Variants in CLIC2 observed in about 807,000 individuals in gnomAD.
CLIC2 encodes the protein chloride intracellular channel protein 2.
In CLIC2, 9 loss-of-function variants were observed where a neutral mutation model predicts 14.8. The ratio of observed to expected loss-of-function variants is 0.61; its 90% CI spans 0.37 to 1.06. The LOEUF is 1.06. Among genes scored for constraint, CLIC2 ranks in the 50% least tolerant of loss-of-function variants. The probability of loss-of-function intolerance (pLI) is 0.01; values close to 1 mark genes in which losing one functional copy is unlikely to be tolerated. For missense variants in CLIC2, 148 were observed against 181.4 expected, an observed-to-expected ratio of 0.82 and a Z score of 1.06; for synonymous variants, 61 against 66.3, an observed-to-expected ratio of 0.92 and a Z score of 0.39.
chrX:155,318,005 T>G (rs1439082761), intron 1 of CLIC2, among the ~76,000 whole-genome samples: 2 of 111,542 alleles, frequency 1.8e-5, no homozygotes, highest in Non-Finnish European at 3.8e-5. Flanking sequence ...AAATCCAGCA[T>G]CTCTTTATGA....
Position 155,327,023 on chromosome X carries a change from C to G in CLIC2, c.57+7348G>C, listed in dbSNP as rs145901604. On this transcript the variant is annotated intron_variant, in intron 1 of 5. Coordinates refer to ENST00000369449, the MANE Select transcript of CLIC2 (RefSeq NM_001289.6). ...CTGACTGCATCAATGTCAATAATGT[C>G]CTGGTTTTCTTATCATACTATAGTT... Among the ~76,000 whole-genome samples, 764 of 111,048 alleles carry G rather than the reference C, an allele frequency of 6.9e-3. 8 individuals carry two copies. The highest frequency in any genetic ancestry group is 0.024 in the African/African-American group (725 of 30,593).
intron 3 of CLIC2, chrX:155,292,765 G>T (rs10283985): frequency 2.4e-6 from 1 of 412,190 alleles, no homozygotes; most frequent in Non-Finnish European, 4.1e-6. Context: ...GCGAGACTCC[G>T]TCTCAAAACA....
chrX:155,294,146 T>C (rs781826000), intron 3 of CLIC2, among the ~76,000 whole-genome samples: 63 of 112,089 alleles, frequency 5.6e-4, no homozygotes, highest in African/African-American at 1.8e-3. Context: ...GGATGGACCA[T>C]ATGTCAGGCC....
chrX:155,300,021 A>G (rs372304435), intron 1 of CLIC2, among the ~76,000 whole-genome samples: 1 of 109,190 alleles, frequency 9.2e-6, no homozygotes, highest in Non-Finnish European at 1.9e-5. Context: ...ATTGTGAATA[A>G]TGCCGCAATA....
intron 1 of CLIC2, 91 bp downstream of exon 1, chrX:155,334,280 A>G: frequency 1.4e-6 from 1 of 714,113 alleles, no homozygotes; most frequent in African/African-American, 2.1e-5. Flanking sequence ...TCCTATCTCT[A>G]GCCCAAATGT....
chrX:155,311,070 C>G (rs782266171), intron 1 of CLIC2, among the ~76,000 whole-genome samples: 11 of 112,078 alleles, frequency 9.8e-5, no homozygotes, highest in Middle Eastern at 4.6e-3. Context: ...CCACAAAAGT[C>G]TCTGACATGC....
intron 1 of CLIC2, among the ~76,000 whole-genome samples, chrX:155,299,926 A>G (rs1416295033): frequency 1.8e-5 from 2 of 110,384 alleles, no homozygotes; most frequent in East Asian, 5.7e-4. Flanking sequence ...CTATGGCTGC[A>G]TAGTATTCCA....
chrX:155,282,384 G>A (rs1390183460), intron 3 of CLIC2, among the ~76,000 whole-genome samples: 2 of 111,665 alleles, frequency 1.8e-5, no homozygotes, highest in African/African-American at 6.5e-5. Flanking sequence ...AGTATGGAGA[G>A]AGATGCCCTT....
intron 3 of CLIC2, among the ~76,000 whole-genome samples, chrX:155,283,762 T>A (rs2074929219): frequency 9.0e-6 from 1 of 111,218 alleles, no homozygotes; most frequent in African/African-American, 3.3e-5. Context: ...TCTGGAAATC[T>A]GATTGATTCT....
chrX:155,305,395 C>T (rs2075050949), intron 1 of CLIC2, among the ~76,000 whole-genome samples: 1 of 112,835 alleles, frequency 8.9e-6, no homozygotes, highest in South Asian at 3.6e-4. Context: ...TGACCCCTTG[C>T]TCTTCCCAAG....
At chrX:155,318,084 C>T (rs1569561371) in intron 1 of CLIC2, among the ~76,000 whole-genome samples, 2 of 111,608 alleles carry the variant, frequency 1.8e-5, no homozygotes, top group African/African-American at 3.3e-5. Context: ...CTATGACGAA[C>T]CCATAGCCAA....
At position 155,297,884 on chromosome X, in the gene CLIC2, A is replaced by AAAAAAAAAAAAAAG. The variant is rs1557318527; in HGVS notation, c.293+900_293+901insCTTTTTTTTTTTTT. Among the ~76,000 whole-genome samples the AAAAAAAAAAAAAAG allele has an allele frequency of 1.3e-3, 61 of 45,221 alleles. 15 individuals are homozygous for AAAAAAAAAAAAAAG. Among genetic ancestry groups the AAAAAAAAAAAAAAG allele is most frequent in the Non-Finnish European group, 1.9e-3 (39 of 20,616 alleles). The allele number at this position is 45,221 out of a possible 115,157, so 39.3% of individuals were successfully genotyped here. On this transcript the variant is annotated intron_variant, in intron 3 of 5. Transcript: ENST00000369449. Reference sequence around the variant, plus strand: ...TCAAAAAAAAAAAAAAAAAAAAAAAAAAGAAGGTGAACCATCAGAGAGACA... The same window carrying AAAAAAAAAAAAAAG: ...TCAAAAAAAAAAAAAAAAAAAAAAAAAAAAAAAAAAAAAGAAGAAGGTGAACCATCAGAGAGACA...
At chrX:155,295,646 G>T (rs1557318261) in intron 3 of CLIC2, among the ~76,000 whole-genome samples, 1 of 111,000 alleles carries the variant, frequency 9.0e-6, no homozygotes, top group Non-Finnish European at 1.9e-5. Flanking sequence ...AAAATTCTTA[G>T]ATTTGATAAG....
intron 1 of CLIC2, among the ~76,000 whole-genome samples, chrX:155,332,154 C>T (rs781818930): frequency 8.9e-6 from 1 of 111,828 alleles, no homozygotes; most frequent in African/African-American, 3.2e-5. Flanking sequence ...TTGCTCAAAT[C>T]ATTCAGAGCT....
chrX:155,304,683 T>A (rs2075040544), intron 1 of CLIC2, among the ~76,000 whole-genome samples: 1 of 102,143 alleles, frequency 9.8e-6, no homozygotes, highest in African/African-American at 3.5e-5. Context: ...CCAGTTTTTC[T>A]GTTCTGTTTT....
chrX:155,293,357 A>C (rs2074981528), intron 3 of CLIC2: 18 of 1,109,466 alleles, frequency 1.6e-5, no homozygotes, highest in Non-Finnish European at 2.1e-5. Flanking sequence ...AAGGAGTCCA[A>C]CAAGAAAGGA....
At chrX:155,280,878 A>AC (rs1557316356) in intron 3 of CLIC2, among the ~76,000 whole-genome samples, 1 of 108,200 alleles carries the variant, frequency 9.2e-6, no homozygotes, top group African/African-American at 3.4e-5. Flanking sequence ...AAAAATCAGC[A>AC]CCTCATGGAG....
At chrX:155,304,598 A>G (rs782447159) in intron 1 of CLIC2, among the ~76,000 whole-genome samples, 4 of 98,088 alleles carry the variant, frequency 4.1e-5, no homozygotes, top group Admixed American at 1.1e-4. Flanking sequence ...GTCATTCTCC[A>G]TCCAGCTTTG....
At chrX:155,290,305 G>T in intron 3 of CLIC2, 1 of 277,056 alleles carries the variant, frequency 3.6e-6, no homozygotes. Flanking sequence ...CTCCTGTATT[G>T]AAAGCTGGAC....
Sources: gnomAD v4.1 joint callset for allele counts (sites outside exome capture counted in the v4.1 genomes callset) on GRCh38, gnomAD v4.1.1 for gene constraint, MANE v1.5 for transcripts, NCBI Gene and HGNC (gene_info 2026-07-23, HGNC 2026-07-21) for gene names.